The following B3GALT9 variants were observed in gnomAD, a reference collection of about 807,000 sequenced individuals.
B3GALT9 encodes beta-1,3-galactosyltransferase 9, also known as UDP-GlcNAc:betaGal beta-1,3-N-acetylglucosaminyltransferase 10 (putative).
At chr9:120,796,711 T>C (rs1452437209) in intron 2 of B3GALT9, 102 bp downstream of exon 2, 3 of 152,212 alleles carry the variant, frequency 2.0e-5, no homozygotes, top group Non-Finnish European at 4.4e-5. Context: ...GGAAAGGAGT[T>C]CAGATTATAA....
At chr9:120,798,201 A>G (rs2044951095) in intron 2 of B3GALT9, among the ~76,000 whole-genome samples, 1 of 152,252 alleles carries the variant, frequency 6.6e-6, no homozygotes, top group Non-Finnish European at 1.5e-5. Flanking sequence ...TTTTTATCAC[A>G]GTGATACCAC....
chr9:120,799,778 GA>G lies in B3GALT9; in HGVS notation c.*102del. ...TTCCCATGTTTTATGTAGGTTCTCT[GA>G]ATCTTTAATTTTATTTGCAAAGGTA... On this transcript the variant is annotated 3_prime_UTR_variant, in exon 3 of 3. Transcript: ENST00000689072. The G allele has an allele frequency of 2.5e-6, 1 of 397,250 alleles. No homozygotes were observed. Among genetic ancestry groups the G allele is most frequent in the Admixed American group, 4.4e-5 (1 of 22,712 alleles). 24.6% of individuals were successfully genotyped at this position (397,250 alleles called of 1,614,324 possible).
rs1482219322 is a variant in B3GALT9, at chr9:120,799,529, G to C, written c.961G>C (p.Ala321Pro). The C allele has an allele frequency of 5.0e-6, 2 of 399,528 alleles. No homozygotes were observed. Among genetic ancestry groups the C allele is most frequent in the East Asian group, 7.1e-5 (2 of 28,082 alleles). The allele number at this position is 399,528 out of a possible 1,614,324, so 24.7% of individuals were successfully genotyped here. A position where few individuals can be genotyped will look rare whatever the true frequency, so the allele number is the denominator to read the frequency against. ...SEIADPEMPL[A>P]WKEINDGKEC... ...AATTGCAGATCCTGAAATGCCCCTA[G>C]CATGGAAGGAAATTAATGATGGAAA... The change falls in exon 3 of 3, where the codon GCA becomes CCA. Residue 321 changes from alanine (A) to proline (P), a missense_variant. Coordinates refer to ENST00000689072, the MANE Select transcript of B3GALT9 (RefSeq NM_001386823.1).
Position 120,801,633 on chromosome 9 carries a change from G to A in B3GALT9, c.*1955G>A, listed in dbSNP as rs190331230. The stretch of plus-strand genomic sequence containing the variant: ...TACGTGCCTGTAATCCCAGCTACGC[G>A]GGAGGCTGACACAGGAAAATCGCTT... On this transcript the variant is annotated 3_prime_UTR_variant, in exon 3 of 3. Transcript: ENST00000689072. Among the ~76,000 whole-genome samples the A allele has an allele frequency of 3.2e-4, 49 of 152,294 alleles. No homozygotes were observed. The highest frequency in any genetic ancestry group is 7.0e-4 in the African/African-American group (29 of 41,556).
rs1283170817 is a variant in B3GALT9 at position 120,798,762 on chromosome 9, G to A, written c.194G>A (p.Ser65Asn). The change falls in exon 3 of 3, where the codon AGT becomes AAT. Residue 65 changes from serine (S) to asparagine (N), a missense_variant. Physicochemically the swap from Ser to Asn is conservative, Grantham distance 46. Transcript: ENST00000689072. ...ARKLNIEPLR[S>N]NLSKYYVLSQ... ...AAATTGAACATCGAACCCCTAAGAA[G>A]TAATCTCTCCAAATATTATGTCCTG... 2.5e-6 allele frequency: 1 copy of A among 398,988 alleles called. No individual in the cohort carries two copies. Among genetic ancestry groups the A allele is most frequent in the Non-Finnish European group, 4.4e-6 (1 of 226,086 alleles). 24.7% of individuals were successfully genotyped at this position (398,988 alleles called of 1,614,324 possible). A position where few individuals can be genotyped will look rare whatever the true frequency, so the allele number is the denominator to read the frequency against.
chr9:120,798,501 G>A (rs563220162), intron 2 of B3GALT9, 74 bp from the exon 3 acceptor site: 5 of 398,884 alleles, frequency 1.3e-5, no homozygotes, highest in Middle Eastern at 6.3e-4. Context: ...TGAGAGGTCC[G>A]TATAGGGTTC....
In B3GALT9 at chr9:120,793,644, G is replaced by C. The variant is rs559961654; in HGVS notation, c.-460G>C. 4 of 398,668 alleles carry C rather than the reference G, an allele frequency of 1.0e-5. No individual in the cohort carries two copies. Among genetic ancestry groups the C allele is most frequent in the Non-Finnish European group, 1.3e-5 (3 of 226,144 alleles). 24.7% of individuals were successfully genotyped at this position (398,668 alleles called of 1,614,324 possible). A position where few individuals can be genotyped will look rare whatever the true frequency, so the allele number is the denominator to read the frequency against. On this transcript the variant is annotated 5_prime_UTR_variant, in exon 1 of 3. Transcript: ENST00000689072. The stretch of plus-strand genomic sequence containing the variant: ...CCGTACATCCAGGTTTGCACAGCGC[G>C]CTTATGTCCCTCCTCCAATCTGATC...
chr9:120,800,230 G>A lies in B3GALT9; in HGVS notation c.*552G>A, dbSNP rs1338725858. The stretch of plus-strand genomic sequence containing the variant: ...CCTCCCAGGTTAAAGCAATTCTCCT[G>A]CCTCAGCCTCCCAAGTAGCTGGGAT... On this transcript the variant is annotated 3_prime_UTR_variant, in exon 3 of 3. Transcript: ENST00000689072. Among the ~76,000 whole-genome samples the A allele has an allele frequency of 6.6e-6, 1 of 151,442 alleles. No individual in the cohort carries two copies. Among genetic ancestry groups the A allele is most frequent in the African/African-American group, 2.4e-5 (1 of 41,150 alleles).
At chr9:120,798,294 T>C (rs1014777398) in intron 2 of B3GALT9, among the ~76,000 whole-genome samples, 21 of 152,182 alleles carry the variant, frequency 1.4e-4, no homozygotes, top group African/African-American at 5.1e-4. Context: ...ATATAGTAAA[T>C]AAGCTTTTAT....
rs980870995 is a variant in B3GALT9, at chr9:120,800,307, C to G, written c.*629C>G. Among the ~76,000 whole-genome samples the G allele has an allele frequency of 1.3e-5, 2 of 151,510 alleles. No individual in the cohort carries two copies. The highest frequency in any genetic ancestry group is 4.9e-5 in the African/African-American group (2 of 41,216). On this transcript the variant is annotated 3_prime_UTR_variant, in exon 3 of 3. Transcript: ENST00000689072. ...TAATTTTTGGTATTTTTAGTAGAGG[C>G]GGGGTTTCACCATGTTGGCCAGGCT... is the stretch of plus-strand genomic sequence containing the variant.
Position 120,798,795 on chromosome 9 carries a change from C to T in B3GALT9, c.227C>T (p.Ser76Leu), listed in dbSNP as rs2044953903. 2.5e-6 allele frequency: 1 copy of T among 398,938 alleles called. No homozygotes were observed. Among genetic ancestry groups the T allele is most frequent in the African/African-American group, 2.1e-5 (1 of 48,582 alleles). The allele number at this position is 398,938 out of a possible 1,614,324, so 24.7% of individuals were successfully genotyped here. Reference protein sequence around the residue: ...NLSKYYVLSQSEICKGKNIFL... With the variant: ...NLSKYYVLSQLEICKGKNIFL... Reference sequence around the variant, plus strand: ...TCCAAATATTATGTCCTGAGCCAGTCAGAAATATGTAAAGGGAAGAACATT... The same window carrying T: ...TCCAAATATTATGTCCTGAGCCAGTTAGAAATATGTAAAGGGAAGAACATT... Residue 76 changes from serine to leucine, a missense_variant, in exon 3 of 3, where the codon TCA becomes TTA. By Grantham distance (145) the Ser-to-Leu change is moderately radical. Transcript: ENST00000689072.
At position 120,799,465 on chromosome 9, in the gene B3GALT9, C is replaced by G. The variant is rs545870817; in HGVS notation, c.897C>G (p.Tyr299Ter). The G allele has an allele frequency of 2.5e-6, 1 of 399,220 alleles. No individual in the cohort carries two copies. Among genetic ancestry groups the G allele is most frequent in the African/African-American group, 2.1e-5 (1 of 48,618 alleles). The allele number at this position is 399,220 out of a possible 1,614,324, so 24.7% of individuals were successfully genotyped here. A position where few individuals can be genotyped will look rare whatever the true frequency, so the allele number is the denominator to read the frequency against. Residue 299 changes from tyrosine to a stop codon, truncating the protein, a stop_gained, in exon 3 of 3, where the codon TAC (tyrosine) becomes TAG (stop). Coordinates refer to ENST00000689072, the MANE Select transcript of B3GALT9 (RefSeq NM_001386823.1). LOFTEE classifies it high-confidence loss of function. ...SRFSGKRHIRYNRCCYKFIFT... is the reference protein window; with the variant it reads ...SRFSGKRHIR Reference sequence around the variant, plus strand: ...TTTCTGGGAAAAGGCACATTAGATACAACAGATGTTGCTATAAGTTCATTT... The same window carrying G: ...TTTCTGGGAAAAGGCACATTAGATAGAACAGATGTTGCTATAAGTTCATTT...
At position 120,801,351 on chromosome 9, in the gene B3GALT9, T is replaced by C. The variant is rs115733628; in HGVS notation, c.*1673T>C. Among the ~76,000 whole-genome samples the C allele has an allele frequency of 0.011, 1,630 of 152,330 alleles. 19 individuals carry two copies. The highest frequency in any genetic ancestry group is 0.037 in the African/African-American group (1,544 of 41,570). On this transcript the variant is annotated 3_prime_UTR_variant, in exon 3 of 3. Coordinates refer to ENST00000689072, the MANE Select transcript of B3GALT9 (RefSeq NM_001386823.1). Reference sequence around the variant, plus strand: ...TTTTACTTTGCATTTCCCTGATGATTAGTGGTATTGAGCATTTTTTTTTCA... The same window carrying C: ...TTTTACTTTGCATTTCCCTGATGATCAGTGGTATTGAGCATTTTTTTTTCA...
Position 120,793,751 on chromosome 9 carries a change from C to G in B3GALT9, c.-353C>G. On this transcript the variant is annotated 5_prime_UTR_variant, in exon 1 of 3. Transcript: ENST00000689072. ...GCTGTGGCTTAGAGAAGTTAAGAGA[C>G]GTGTCCAAATTCATACAACCTGTTG... The G allele has an allele frequency of 2.5e-6, 1 of 398,144 alleles. No homozygotes were observed. The highest frequency in any genetic ancestry group is 4.4e-6 in the Non-Finnish European group (1 of 225,850). The allele number at this position is 398,144 out of a possible 1,614,324, so 24.7% of individuals were successfully genotyped here. A position where few individuals can be genotyped will look rare whatever the true frequency, so the allele number is the denominator to read the frequency against.
Position 120,800,325 on chromosome 9 carries a change from G to A in B3GALT9, c.*647G>A, listed in dbSNP as rs550846314. Among the ~76,000 whole-genome samples the A allele has an allele frequency of 2.0e-5, 3 of 151,624 alleles. No homozygotes were observed. The highest frequency in any genetic ancestry group is 4.4e-5 in the Non-Finnish European group (3 of 67,908). Reference sequence around the variant, plus strand: ...GTAGAGGCGGGGTTTCACCATGTTGGCCAGGCTGGTCTCGAACTCCTGGCC... The same window carrying A: ...GTAGAGGCGGGGTTTCACCATGTTGACCAGGCTGGTCTCGAACTCCTGGCC... On this transcript the variant is annotated 3_prime_UTR_variant, in exon 3 of 3. Transcript: ENST00000689072.
rs34598368 is a variant in B3GALT9 at position 120,800,116 on chromosome 9, ATT to A, written c.*454_*455del. ...AGGCATGTGCCACCATACCCGGCTA[ATT>A]TTTTTTTTTTTTTTTCGGAGACAGA... is the stretch of plus-strand genomic sequence containing the variant. On this transcript the variant is annotated 3_prime_UTR_variant, in exon 3 of 3. Coordinates refer to ENST00000689072, the MANE Select transcript of B3GALT9 (RefSeq NM_001386823.1). Among the ~76,000 whole-genome samples, 11 of 122,876 alleles carry A rather than the reference ATT, an allele frequency of 9.0e-5. No homozygotes were observed. Among genetic ancestry groups the A allele is most frequent in the African/African-American group, 9.3e-5 (3 of 32,110 alleles). 80.6% of individuals were successfully genotyped at this position (122,876 alleles called of 152,430 possible).
intron 1 of B3GALT9, 109 bp from the exon 2 acceptor site, chr9:120,796,314 T>C (rs986317188): frequency 2.0e-5 from 3 of 152,252 alleles, no homozygotes; most frequent in African/African-American, 7.2e-5. Flanking sequence ...ATGGGGTCAG[T>C]TTCATGAAGT....
At chr9:120,793,975 A>G (rs1029298512) in intron 1 of B3GALT9, 53 bp downstream of exon 1, 15 of 239,416 alleles carry the variant, frequency 6.3e-5, no homozygotes, top group African/African-American at 3.1e-4. Flanking sequence ...GATTTGAATG[A>G]ATCACAACGT....
chr9:120,795,084 G>A (rs1275990961), intron 1 of B3GALT9, among the ~76,000 whole-genome samples: 1 of 152,148 alleles, frequency 6.6e-6, no homozygotes, highest in Non-Finnish European at 1.5e-5. Flanking sequence ...GTCAACTACG[G>A]TGTCCTAAAA....
Sources: allele counts gnomAD v4.1 joint callset (sites outside exome capture counted in the v4.1 genomes callset), GRCh38; gene constraint gnomAD v4.1.1; transcripts MANE v1.5; gene names NCBI Gene and HGNC (gene_info 2026-07-23, HGNC 2026-07-21).